Variants in RABGAP1L observed in about 807,000 individuals in gnomAD.
The protein encoded by RABGAP1L is rab GTPase-activating protein 1-like.
Under a neutral mutation model 137.7 loss-of-function variants are expected in RABGAP1L, and 63 were observed. That is an observed-to-expected ratio of 0.46 (90% CI 0.37 to 0.56). The LOEUF (loss-of-function observed/expected upper bound fraction) is 0.56, where lower values mean the gene tolerates loss of function less well. Ranked by LOEUF, RABGAP1L falls within the 20% of genes least tolerant of loss-of-function variation. The pLI is 0.00. For missense variants in RABGAP1L, 1,095 were observed against 1,244.0 expected (o/e 0.88, Z 1.80); for synonymous variants, 431 against 433.7 (o/e 0.99, Z 0.08).
At chr1:174,877,124 TTTG>T (rs150345425) in intron 19 of RABGAP1L, among the ~76,000 whole-genome samples, 16,519 of 152,126 alleles carry the variant, frequency 0.11, 975 homozygotes, top group East Asian at 0.22. Context: ...ATCAGTTTTT[TTTG>T]TTGTTGTTAT....
At chr1:174,641,844 A>G (rs542003748) in intron 14 of RABGAP1L, among the ~76,000 whole-genome samples, 2 of 152,138 alleles carry the variant, frequency 1.3e-5, no homozygotes, top group Non-Finnish European at 1.5e-5. Context: ...GACATATAAC[A>G]CATAAATGCA....
At chr1:174,544,166 C>T (rs1313676303) in intron 13 of RABGAP1L, among the ~76,000 whole-genome samples, 2 of 152,152 alleles carry the variant, frequency 1.3e-5, no homozygotes, top group Non-Finnish European at 2.9e-5. Context: ...GGTAAGTTCT[C>T]CTGGGTAATA....
intron 19 of RABGAP1L, among the ~76,000 whole-genome samples, chr1:174,819,187 TAAAAAAAAAAAAAA>T (rs71299431): frequency 4.5e-5 from 2 of 44,840 alleles, no homozygotes; most frequent in East Asian, 1.6e-3. Flanking sequence ...TGCCTGTCTC[TAAAAAAAAAAAAAA>T]AAAAAAAAAA....
At chr1:174,977,933 A>G (rs34484492) in intron 22 of RABGAP1L, among the ~76,000 whole-genome samples, 26,933 of 152,228 alleles carry the variant, frequency 0.18, 2,800 homozygotes, top group Non-Finnish European at 0.24. Flanking sequence ...GCAATAATTT[A>G]TGAACTAGCA....
chr1:174,408,891 C>T (rs1160626662), intron 13 of RABGAP1L, among the ~76,000 whole-genome samples: 1 of 151,988 alleles, frequency 6.6e-6, no homozygotes, highest in Admixed American at 6.6e-5. Context: ...ATATCTTTTG[C>T]CTGCTTTTTA....
At chr1:174,500,298 T>G (rs960783367) in intron 13 of RABGAP1L, among the ~76,000 whole-genome samples, 1 of 152,152 alleles carries the variant, frequency 6.6e-6, no homozygotes, top group Non-Finnish European at 1.5e-5. Context: ...CAGGGTGGTC[T>G]CAAACTTCTG....
chr1:174,219,153 C>G lies in RABGAP1L; in HGVS notation c.-5C>G, dbSNP rs373434556. ...GTTGTGGGAAGAGAAGTTTGCAGAACTGAAATGGAGGTCAGAGCTTCATTA... is the reference window on the plus strand; with the variant it reads ...GTTGTGGGAAGAGAAGTTTGCAGAAGTGAAATGGAGGTCAGAGCTTCATTA... On this transcript the variant is annotated 5_prime_UTR_variant, in exon 2 of 26. Transcript: ENST00000681986. 40 of 1,588,316 alleles carry G rather than the reference C, an allele frequency of 2.5e-5. No individual in the cohort carries two copies. The South Asian group carries it at 3.2e-4, about 13-fold the overall frequency.
intron 13 of RABGAP1L, among the ~76,000 whole-genome samples, chr1:174,502,222 T>C (rs7537823): frequency 0.35 from 53,474 of 151,664 alleles, 12,074 homozygotes; most frequent in African/African-American, 0.64. Flanking sequence ...GCAGCTAGAA[T>C]GCCAGGCAGA....
At chr1:174,759,281 T>C (rs1685019532) in intron 18 of RABGAP1L, among the ~76,000 whole-genome samples, 1 of 114,254 alleles carries the variant, frequency 8.8e-6, no homozygotes, top group Non-Finnish European at 2.0e-5. Context: ...GGGTAATTTA[T>C]TTAAAAAAAA....
chr1:174,605,272 C>T (rs1255337762), intron 13 of RABGAP1L, among the ~76,000 whole-genome samples: 1 of 152,120 alleles, frequency 6.6e-6, no homozygotes, highest in Non-Finnish European at 1.5e-5. Context: ...TGAAGCTTTC[C>T]TAGGCATTTT....
chr1:174,857,274 G>A (rs994941471), intron 19 of RABGAP1L, among the ~76,000 whole-genome samples: 1 of 152,138 alleles, frequency 6.6e-6, no homozygotes, highest in African/African-American at 2.4e-5. Context: ...CGCCATTTAT[G>A]ACGCTTTGGT....
Position 174,990,056 on chromosome 1 carries a change from AG to A in RABGAP1L, c.*57del. Reference sequence around the variant, plus strand: ...ATGTTCAAACCAATGGAAATCTGGGAGGATTCTTCCTGGTGTCCCTTTGAAG... The same window carrying A: ...ATGTTCAAACCAATGGAAATCTGGGAGATTCTTCCTGGTGTCCCTTTGAAG... On this transcript the variant is annotated 3_prime_UTR_variant, in exon 26 of 26. Coordinates refer to ENST00000681986, the MANE Select transcript of RABGAP1L (RefSeq NM_001366446.1). The A allele has an allele frequency of 6.9e-7, 1 of 1,455,254 alleles. No individual in the cohort carries two copies. The highest frequency in any genetic ancestry group is 9.3e-7 in the Non-Finnish European group (1 of 1,072,710). 90.1% of individuals were successfully genotyped at this position (1,455,254 alleles called of 1,614,324 possible). A position where few individuals can be genotyped will look rare whatever the true frequency, so the allele number is the denominator to read the frequency against.
chr1:174,560,908 C>T (rs1667169691), intron 13 of RABGAP1L, among the ~76,000 whole-genome samples: 1 of 152,176 alleles, frequency 6.6e-6, no homozygotes, highest in African/African-American at 2.4e-5. Flanking sequence ...CAGAGAACCA[C>T]TGCTTTAAAT....
At chr1:174,559,970 C>A (rs1037490535) in intron 13 of RABGAP1L, among the ~76,000 whole-genome samples, 1 of 152,064 alleles carries the variant, frequency 6.6e-6, no homozygotes, top group African/African-American at 2.4e-5. Flanking sequence ...CCTGTGTCTA[C>A]TAAAAATAGA....
chr1:174,583,691 G>A (rs1384200082), intron 13 of RABGAP1L, among the ~76,000 whole-genome samples: 2 of 152,136 alleles, frequency 1.3e-5, no homozygotes, highest in Non-Finnish European at 2.9e-5. Flanking sequence ...TTTTAGGTGT[G>A]ATCTGGCTTC....
At chr1:174,536,128 TG>T (rs1664869149) in intron 13 of RABGAP1L, among the ~76,000 whole-genome samples, 1 of 152,112 alleles carries the variant, frequency 6.6e-6, no homozygotes, top group Admixed American at 6.6e-5. Context: ...AAATATCTTT[TG>T]ATTGGTATTT....
chr1:174,604,806 A>G (rs1190757304), intron 13 of RABGAP1L, among the ~76,000 whole-genome samples: 1 of 152,216 alleles, frequency 6.6e-6, no homozygotes, highest in Non-Finnish European at 1.5e-5. Flanking sequence ...AAGTAGCCAC[A>G]TCAGGACTGT....
chr1:174,531,203 GGTTA>G (rs1358515403), intron 13 of RABGAP1L, among the ~76,000 whole-genome samples: 1 of 146,136 alleles, frequency 6.8e-6, no homozygotes, highest in Non-Finnish European at 1.5e-5. Flanking sequence ...CTATAATACA[GGTTA>G]GTTATAACAC....
intron 9 of RABGAP1L, 108 bp from the exon 10 acceptor site, chr1:174,278,505 G>C (rs551262173): frequency 2.5e-6 from 2 of 787,924 alleles, no homozygotes; most frequent in Middle Eastern, 2.8e-4. Flanking sequence ...AACATAGAAG[G>C]TATTACAATT....
Sources: gnomAD v4.1 joint callset for allele counts (sites outside exome capture counted in the v4.1 genomes callset) on GRCh38, gnomAD v4.1.1 for gene constraint, MANE v1.5 for transcripts, NCBI Gene and HGNC (gene_info 2026-07-23, HGNC 2026-07-21) for gene names.